Variants in SNX14 observed in about 807,000 individuals in gnomAD.
The protein encoded by SNX14 is sorting nexin-14.
In SNX14, 93 loss-of-function variants were observed where a neutral mutation model predicts 133.8. The ratio of observed to expected loss-of-function variants is 0.70; its 90% CI spans 0.59 to 0.83. The LOEUF (loss-of-function observed/expected upper bound fraction) is 0.83. Among genes scored for constraint, SNX14 ranks in the 40% least tolerant of loss-of-function variants. The pLI, the probability that SNX14 is intolerant of heterozygous loss-of-function variation, is 0.00. For synonymous variants in SNX14, 368 were observed against 365.6 expected (o/e 1.01, Z -0.07); for missense variants, 945 against 1,094.9 (o/e 0.86, Z 1.93).
chr6:85,588,266 T>C lies in SNX14; in HGVS notation c.140+5313A>G, dbSNP rs574517561. On this transcript the variant is annotated intron_variant, in intron 1 of 28. Coordinates refer to ENST00000314673, the MANE Select transcript of SNX14 (RefSeq NM_153816.6). ...CCACTGTCTAGCCTGGGTGATGGAC[T>C]GAGACTGTCTCAAAAAAATAAATAA... Among the ~76,000 whole-genome samples, 4 of 150,390 alleles carry C rather than the reference T, an allele frequency of 2.7e-5. No individual in the cohort carries two copies. The South Asian group carries it at 8.5e-4, about 32-fold the overall frequency.
intron 6 of SNX14, among the ~76,000 whole-genome samples, chr6:85,564,074 A>C (rs1185887159): frequency 6.6e-6 from 1 of 152,168 alleles, no homozygotes; most frequent in Admixed American, 6.5e-5. Flanking sequence ...TTCCAGCTTC[A>C]TCCATGTCCC....
chr6:85,580,759 G>C (rs1360156125), intron 1 of SNX14, among the ~76,000 whole-genome samples: 1 of 152,136 alleles, frequency 6.6e-6, no homozygotes, highest in Non-Finnish European at 1.5e-5. Flanking sequence ...CACGGAGAGA[G>C]GCTCTTTTGC....
At chr6:85,562,521 TCTTTTCAGTTTTA>T in intron 6 of SNX14, among the ~76,000 whole-genome samples, 1 of 152,256 alleles carries the variant, frequency 6.6e-6, no homozygotes, top group South Asian at 2.1e-4. Flanking sequence ...CATCAATTTT[TCTTTTCAGTTTTA>T]CTTTTTATAA....
chr6:85,537,782 G>A (rs1415137681), intron 16 of SNX14, among the ~76,000 whole-genome samples: 2 of 152,008 alleles, frequency 1.3e-5, no homozygotes, highest in African/African-American at 4.8e-5. Context: ...AACTGCGTCT[G>A]TACTAAAAAT....
chr6:85,514,768 T>C (rs1774219859), intron 23 of SNX14, 139 bp from the exon 24 acceptor site: 3 of 720,208 alleles, frequency 4.2e-6, no homozygotes, highest in Admixed American at 3.4e-5. Flanking sequence ...GGTTAATATA[T>C]GCTTCTAAAA....
In SNX14 at chr6:85,515,262, CAAAAAAAAAAAA is replaced by C. The variant is rs751549621; in HGVS notation, c.2269-645_2269-634del. On this transcript the variant is annotated intron_variant, in intron 23 of 28. Coordinates refer to ENST00000314673, the MANE Select transcript of SNX14 (RefSeq NM_153816.6). The stretch of plus-strand genomic sequence containing the variant: ...AGCCTGGGTGACAGAGCAAGACCGT[CAAAAAAAAAAAA>C]AAAAAAAAAAAAACACTAACATGAT... Among the ~76,000 whole-genome samples the C allele has an allele frequency of 2.7e-3, 61 of 22,774 alleles. No individual in the cohort carries two copies. In the South Asian group the frequency reaches 0.087, roughly 33 times the overall value. 14.9% of individuals were successfully genotyped at this position (22,774 alleles called of 152,430 possible).
chr6:85,547,318 G>A lies in SNX14; in HGVS notation c.992C>T (p.Ser331Phe), dbSNP rs1337679699. The change falls in exon 11 of 29, where the codon TCT becomes TTT. Residue 331 changes from serine (S) to phenylalanine (F), a missense_variant and splice_region_variant. Physicochemically the swap from Ser to Phe is radical, Grantham distance 155. Around this residue, in one of 3 missense-constraint regions of SNX14, gnomAD observed 514 missense variants for 538.8 expected, o/e 0.95. Coordinates refer to ENST00000314673, the MANE Select transcript of SNX14 (RefSeq NM_153816.6). ...GGTGTTATTGCTGAAAATTCTTACA[G>A]ATGGCTTTTTATTTCTAGGTTCTGC... ...KFAEPRNKKP[S>F]VLKLELKQIR... The A allele has an allele frequency of 6.2e-7, 1 of 1,613,360 alleles. No individual in the cohort carries two copies. The highest frequency in any genetic ancestry group is 8.5e-7 in the Non-Finnish European group (1 of 1,179,880).
intron 7 of SNX14, among the ~76,000 whole-genome samples, chr6:85,555,515 C>T (rs1033809151): frequency 2.0e-5 from 3 of 152,026 alleles, no homozygotes; most frequent in South Asian, 2.1e-4. Flanking sequence ...ATTCTGGAAA[C>T]GTCAAAACTG....
chr6:85,540,485 C>T (rs1783340747), intron 15 of SNX14, among the ~76,000 whole-genome samples: 1 of 152,138 alleles, frequency 6.6e-6, no homozygotes, highest in South Asian at 2.1e-4. Flanking sequence ...GCAAAGAACG[C>T]TATTTTAAAT....
Position 85,528,375 on chromosome 6 carries a change from T to C in SNX14, c.1895-13A>G. Reference sequence around the variant, plus strand: ...TCAGGAAATGCACCTGAAATTAGTATATATTATAGTTATTACTGTGTTCTG... The same window carrying C: ...TCAGGAAATGCACCTGAAATTAGTACATATTATAGTTATTACTGTGTTCTG... On this transcript the variant is annotated splice_polypyrimidine_tract_variant and intron_variant, in intron 19 of 28. Coordinates refer to ENST00000314673, the MANE Select transcript of SNX14 (RefSeq NM_153816.6). 6.3e-7 allele frequency: 1 copy of C among 1,583,498 alleles called. No homozygotes were observed. Among genetic ancestry groups the C allele is most frequent in the South Asian group, 1.1e-5 (1 of 88,192 alleles).
At chr6:85,579,598 G>C (rs115016316) in intron 1 of SNX14, among the ~76,000 whole-genome samples, 2,573 of 152,272 alleles carry the variant, frequency 0.017, 71 homozygotes, top group African/African-American at 0.058. Context: ...CACGGCTTGA[G>C]AGAGGGACAA....
intron 17 of SNX14, among the ~76,000 whole-genome samples, chr6:85,535,671 G>A (rs1330774179): frequency 5.3e-5 from 8 of 150,630 alleles, no homozygotes; most frequent in African/African-American, 1.9e-4. Context: ...ATAAAAAAAC[G>A]GCTTTATTTG....
At chr6:85,571,217 G>A (rs995130981) in intron 4 of SNX14, among the ~76,000 whole-genome samples, 5 of 151,822 alleles carry the variant, frequency 3.3e-5, no homozygotes, top group African/African-American at 7.3e-5. Flanking sequence ...AAAATTAGGC[G>A]GGCGTGGTGG....
chr6:85,513,775 T>C, intron 26 of SNX14, 25 bp downstream of exon 26: 1 of 1,545,396 alleles, frequency 6.5e-7, no homozygotes. Context: ...CTATATGAAA[T>C]TAAGTTACTT....
chr6:85,590,736 C>G (rs1802513379), intron 1 of SNX14, among the ~76,000 whole-genome samples: 1 of 152,210 alleles, frequency 6.6e-6, no homozygotes, highest in Admixed American at 6.5e-5. Context: ...GTATGCCTTT[C>G]TCATAGCAAT....
chr6:85,559,913 G>A (rs548921685), intron 6 of SNX14, among the ~76,000 whole-genome samples: 2 of 152,256 alleles, frequency 1.3e-5, no homozygotes, highest in East Asian at 3.9e-4. Context: ...TGGCATCAGG[G>A]ATATGCAATT....
chr6:85,559,810 A>C (rs996668431), intron 6 of SNX14, among the ~76,000 whole-genome samples: 3 of 152,224 alleles, frequency 2.0e-5, no homozygotes, highest in Admixed American at 1.3e-4. Context: ...ATAAAAAAAT[A>C]ACCCAGTTAA....
chr6:85,573,121 A>G (rs1218046898), intron 2 of SNX14, among the ~76,000 whole-genome samples: 1 of 152,208 alleles, frequency 6.6e-6, no homozygotes, highest in Non-Finnish European at 1.5e-5. Flanking sequence ...GTTTCCTCTG[A>G]GTAGAAATAC....
intron 7 of SNX14, among the ~76,000 whole-genome samples, chr6:85,556,842 A>G (rs972965198): frequency 6.6e-6 from 1 of 152,236 alleles, no homozygotes; most frequent in Admixed American, 6.5e-5. Flanking sequence ...ATAATTTAAA[A>G]TAATTCTCAT....
Sources: allele counts gnomAD v4.1 joint callset (sites outside exome capture counted in the v4.1 genomes callset), GRCh38; gene constraint gnomAD v4.1.1; regional missense constraint gnomAD v4.1.1; transcripts MANE v1.5; gene names NCBI Gene and HGNC (gene_info 2026-07-23, HGNC 2026-07-21).